DLG2: variants seen among roughly 807,000 people sequenced by gnomAD.
DLG2 encodes discs large MAGUK scaffold protein 2.
Under a neutral mutation model 132.5 loss-of-function variants are expected in DLG2, and 45 were observed. The ratio of observed to expected loss-of-function variants is 0.34; its 90% CI spans 0.27 to 0.44. The LOEUF is 0.44. Ranked by LOEUF, DLG2 falls within the 20% of genes least tolerant of loss-of-function variation. DLG2 has a pLI of 1.00. For synonymous variants in DLG2, 424 were observed against 419.6 expected (o/e 1.01, Z -0.13); for missense variants, 1,045 against 1,196.9 (o/e 0.87, Z 1.87).
At chr11:84,596,196 C>T (rs970596996) in intron 6 of DLG2, among the ~76,000 whole-genome samples, 1 of 150,364 alleles carries the variant, frequency 6.7e-6, no homozygotes, top group Non-Finnish European at 1.5e-5. Flanking sequence ...CTCTGTCTCT[C>T]TCTCTCTCTC....
intron 6 of DLG2, among the ~76,000 whole-genome samples, chr11:84,701,117 A>G (rs1452658784): frequency 6.6e-6 from 1 of 151,604 alleles, no homozygotes; most frequent in Non-Finnish European, 1.5e-5. Context: ...ATCCACTCCC[A>G]ATCACAGTTG....
intron 6 of DLG2, among the ~76,000 whole-genome samples, chr11:84,588,406 G>C (rs2099534889): frequency 6.6e-6 from 1 of 152,106 alleles, no homozygotes; most frequent in South Asian, 2.1e-4. Context: ...ATGGTGGCAA[G>C]ATAATTAGAA....
intron 7 of DLG2, among the ~76,000 whole-genome samples, chr11:84,373,035 T>C (rs2098712384): frequency 6.6e-6 from 1 of 151,606 alleles, no homozygotes; most frequent in African/African-American, 2.4e-5. Context: ...CTTGGGTGGA[T>C]ACTTTAGAAA....
chr11:84,529,528 T>A (rs183773968), intron 7 of DLG2, among the ~76,000 whole-genome samples: 38 of 152,164 alleles, frequency 2.5e-4, no homozygotes, highest in Non-Finnish European at 1.9e-4. Flanking sequence ...AATCGAGAAC[T>A]CAATCTCATT....
At chr11:84,346,719 A>G (rs982804478) in intron 7 of DLG2, among the ~76,000 whole-genome samples, 2 of 152,310 alleles carry the variant, frequency 1.3e-5, no homozygotes, top group Non-Finnish European at 2.9e-5. Context: ...CTGGGATTAC[A>G]GGCACATGCC....
At chr11:85,094,780 A>G (rs1594079957) in intron 6 of DLG2, among the ~76,000 whole-genome samples, 1 of 152,338 alleles carries the variant, frequency 6.6e-6, no homozygotes, top group East Asian at 1.9e-4. Context: ...TTACTGGAGT[A>G]GCACTATTAA....
intron 7 of DLG2, among the ~76,000 whole-genome samples, chr11:84,370,234 G>A (rs186029398): frequency 6.6e-6 from 1 of 152,074 alleles, no homozygotes; most frequent in African/African-American, 2.4e-5. Context: ...TCACCTAAAA[G>A]TGGTATAGGG....
At chr11:84,280,306 A>AT (rs35811787) in intron 7 of DLG2, among the ~76,000 whole-genome samples, 88,761 of 149,424 alleles carry the variant, frequency 0.59, 26,361 homozygotes, top group Middle Eastern at 0.66. Context: ...GATAAACCTG[A>AT]TTTTTTTTTT....
Position 84,019,732 on chromosome 11 carries a change from G to GGA in DLG2, c.920-39092_920-39091dup, listed in dbSNP as rs200578157. On this transcript the variant is annotated intron_variant, in intron 11 of 27. Transcript: ENST00000376104. Reference sequence around the variant, plus strand: ...GGGAGAATGACACGTGAAGACCGAAGGAGAAAGAAGAGTGATTCATCCCTA... The same window carrying GGA: ...GGGAGAATGACACGTGAAGACCGAAGGAGAGAAAGAAGAGTGATTCATCCCTA... Among the ~76,000 whole-genome samples the GGA allele has an allele frequency of 4.2e-4, 64 of 152,234 alleles. No individual in the cohort carries two copies. The East Asian group carries it at 0.011, about 25-fold the overall frequency.
chr11:84,304,247 T>TAA (rs2098189584), intron 7 of DLG2, among the ~76,000 whole-genome samples: 1 of 152,230 alleles, frequency 6.6e-6, no homozygotes, highest in South Asian at 2.1e-4. Flanking sequence ...ACAGCTATGC[T>TAA]ACTGTGAGTT....
intron 16 of DLG2, among the ~76,000 whole-genome samples, chr11:83,861,235 C>T (rs993939661): frequency 2.0e-5 from 3 of 152,108 alleles, no homozygotes; most frequent in African/African-American, 7.2e-5. Flanking sequence ...GTTTCAAATA[C>T]TGGTGAGGAT....
intron 18 of DLG2, among the ~76,000 whole-genome samples, chr11:83,713,277 A>T (rs2085915399): frequency 6.6e-6 from 1 of 152,194 alleles, no homozygotes; most frequent in Non-Finnish European, 1.5e-5. Flanking sequence ...AAGTTACACT[A>T]CCTCATTAAA....
At chr11:84,004,436 T>G (rs978706221) in intron 11 of DLG2, among the ~76,000 whole-genome samples, 3 of 151,962 alleles carry the variant, frequency 2.0e-5, no homozygotes, top group Non-Finnish European at 4.4e-5. Context: ...AAAATATACT[T>G]CCAAATAATA....
At chr11:83,505,024 G>C (rs1038850800) in intron 21 of DLG2, among the ~76,000 whole-genome samples, 1 of 152,170 alleles carries the variant, frequency 6.6e-6, no homozygotes, top group African/African-American at 2.4e-5. Context: ...AGGCAATGCT[G>C]TGTGGGGTGT....
At position 85,120,531 on chromosome 11, in the gene DLG2, A is replaced by G. The variant is rs544411232; in HGVS notation, c.283-8796T>C. Reference sequence around the variant, plus strand: ...TAGCAAATAAATTTTTTAAATTTTTATCATTAAGAATATCAAGAAATTATC... The same window carrying G: ...TAGCAAATAAATTTTTTAAATTTTTGTCATTAAGAATATCAAGAAATTATC... On this transcript the variant is annotated intron_variant, in intron 5 of 27. Coordinates refer to ENST00000376104, the MANE Select transcript of DLG2 (RefSeq NM_001142699.3). Among the ~76,000 whole-genome samples, 5 of 152,182 alleles carry G rather than the reference A, an allele frequency of 3.3e-5. No homozygotes were observed. In the East Asian group the frequency reaches 9.6e-4, roughly 29 times the overall value.
chr11:85,423,892 C>T (rs1468085728), intron 3 of DLG2, among the ~76,000 whole-genome samples: 3 of 152,190 alleles, frequency 2.0e-5, no homozygotes, highest in Admixed American at 6.5e-5. Context: ...CTTCTTCCCC[C>T]ACCTACGGAG....
At chr11:85,087,323 T>C (rs1445241536) in intron 6 of DLG2, among the ~76,000 whole-genome samples, 2 of 152,114 alleles carry the variant, frequency 1.3e-5, no homozygotes, top group Non-Finnish European at 2.9e-5. Flanking sequence ...AGGAATCCCA[T>C]GGATAGAGAA....
intron 6 of DLG2, among the ~76,000 whole-genome samples, chr11:84,913,852 G>A (rs1017174454): frequency 3.9e-5 from 6 of 152,012 alleles, no homozygotes; most frequent in Admixed American, 1.3e-4. Context: ...TTTTCCTAAC[G>A]AGTCTGAAAA....
chr11:85,448,149 C>T (rs1191444412), intron 3 of DLG2, among the ~76,000 whole-genome samples: 1 of 152,092 alleles, frequency 6.6e-6, no homozygotes, highest in Admixed American at 6.6e-5. Flanking sequence ...TTGAAAGTAC[C>T]TTACAATGTT....
Sources: allele counts gnomAD v4.1 joint callset (sites outside exome capture counted in the v4.1 genomes callset), GRCh38; gene constraint gnomAD v4.1.1; transcripts MANE v1.5; gene names NCBI Gene and HGNC (gene_info 2026-07-23, HGNC 2026-07-21).